The following CSMD1 variants were observed in gnomAD, a reference collection of about 807,000 sequenced individuals.
The protein encoded by CSMD1 is CUB and sushi domain-containing protein 1.
In CSMD1, 213 loss-of-function variants were observed where a neutral mutation model predicts 417.5. The ratio of observed to expected loss-of-function variants is 0.51; its 90% CI spans 0.46 to 0.57. The LOEUF (loss-of-function observed/expected upper bound fraction) is 0.57. CSMD1 is among the 20% of genes least tolerant of loss of function. The pLI is 0.00. For missense variants in CSMD1, 6,923 were observed against 4,529.7 expected, an observed-to-expected ratio of 1.53 and a Z score of -15.17; for synonymous variants, 2,862 against 1,736.8, an observed-to-expected ratio of 1.65 and a Z score of -16.11.
chr8:4,191,914 G>C (rs554865673), intron 3 of CSMD1, among the ~76,000 whole-genome samples: 2 of 152,290 alleles, frequency 1.3e-5, no homozygotes, highest in South Asian at 2.1e-4. Flanking sequence ...AAGAAAGTGA[G>C]CATTAGCACA....
intron 7 of CSMD1, among the ~76,000 whole-genome samples, chr8:3,628,723 G>A (rs1049820652): frequency 1.3e-5 from 2 of 152,056 alleles, no homozygotes; most frequent in Non-Finnish European, 2.9e-5. Context: ...TGCAGATCAC[G>A]TCACAGCTCA....
At chr8:3,838,030 A>G (rs1349708892) in intron 5 of CSMD1, among the ~76,000 whole-genome samples, 1 of 152,120 alleles carries the variant, frequency 6.6e-6, no homozygotes, top group Non-Finnish European at 1.5e-5. Flanking sequence ...TCATAAATAA[A>G]TATGTATGTA....
chr8:4,563,332 T>A (rs929743332), intron 2 of CSMD1, among the ~76,000 whole-genome samples: 1 of 152,124 alleles, frequency 6.6e-6, no homozygotes, highest in African/African-American at 2.4e-5. Flanking sequence ...ACCCAGGAGA[T>A]AGAGCTTTCA....
At chr8:3,489,788 T>G (rs1240757749) in intron 11 of CSMD1, among the ~76,000 whole-genome samples, 1 of 152,202 alleles carries the variant, frequency 6.6e-6, no homozygotes, top group Non-Finnish European at 1.5e-5. Context: ...TATTTCATTT[T>G]CCAAATTTCT....
intron 1 of CSMD1, among the ~76,000 whole-genome samples, chr8:4,854,129 G>C (rs1204653286): frequency 6.6e-6 from 1 of 152,164 alleles, no homozygotes; most frequent in Non-Finnish European, 1.5e-5. Context: ...ATGCAGAAGT[G>C]AGTTAAGATT....
intron 3 of CSMD1, among the ~76,000 whole-genome samples, chr8:4,076,141 G>C (rs1230267482): frequency 6.6e-6 from 1 of 152,126 alleles, no homozygotes; most frequent in Non-Finnish European, 1.5e-5. Flanking sequence ...GGAGGTAACT[G>C]AATCATGCGT....
At chr8:3,799,411 G>C (rs1345137495) in intron 5 of CSMD1, among the ~76,000 whole-genome samples, 1 of 101,802 alleles carries the variant, frequency 9.8e-6, no homozygotes, top group Non-Finnish European at 1.8e-5. Context: ...CCCACCCCAC[G>C]ACAGGCCTTA....
chr8:3,136,219 G>A (rs1435741155), intron 41 of CSMD1, among the ~76,000 whole-genome samples: 1 of 150,832 alleles, frequency 6.6e-6, no homozygotes, highest in Non-Finnish European at 1.5e-5. Flanking sequence ...ACGTGTCTAT[G>A]TGTTGCAGAG....
chr8:4,915,229 A>T (rs1805970923), intron 1 of CSMD1, among the ~76,000 whole-genome samples: 1 of 152,162 alleles, frequency 6.6e-6, no homozygotes. Flanking sequence ...ACATATATAT[A>T]AAATATGTAT....
chr8:3,961,250 A>G (rs1812300769), intron 5 of CSMD1, among the ~76,000 whole-genome samples: 1 of 152,186 alleles, frequency 6.6e-6, no homozygotes, highest in Non-Finnish European at 1.5e-5. Flanking sequence ...TGAAGAAAAA[A>G]GGATTCTGAG....
chr8:4,231,490 G>A (rs541228662), intron 3 of CSMD1, among the ~76,000 whole-genome samples: 16 of 150,234 alleles, frequency 1.1e-4, no homozygotes, highest in South Asian at 4.3e-4. Flanking sequence ...GCTCTCTCAC[G>A]CCCTTCAATT....
At chr8:4,270,315 T>A (rs9692619) in intron 3 of CSMD1, among the ~76,000 whole-genome samples, 1 of 152,270 alleles carries the variant, frequency 6.6e-6, no homozygotes, top group African/African-American at 2.4e-5. Context: ...ATACTGGTTT[T>A]ATGCTTTATT....
rs1816367465 is a variant in CSMD1 at position 3,459,523 on chromosome 8, C to A, written c.1561+9189G>T. On this transcript the variant is annotated intron_variant, in intron 12 of 69. Coordinates refer to ENST00000635120, the MANE Select transcript of CSMD1 (RefSeq NM_033225.6). ...CGGCAGTCGGAGACACGGATGAGAGCAGAGAACATGATAAATGCAGGTACA... is the reference window on the plus strand; with the variant it reads ...CGGCAGTCGGAGACACGGATGAGAGAAGAGAACATGATAAATGCAGGTACA... Among the ~76,000 whole-genome samples, 3 of 152,188 alleles carry A rather than the reference C, an allele frequency of 2.0e-5. No individual in the cohort carries two copies. The South Asian group carries it at 6.2e-4, about 32-fold the overall frequency.
intron 33 of CSMD1, among the ~76,000 whole-genome samples, chr8:3,198,562 C>T (rs565216779): frequency 6.6e-6 from 1 of 152,302 alleles, no homozygotes; most frequent in African/African-American, 2.4e-5. Context: ...TGGCTACTTA[C>T]ACAGGATCAG....
intron 3 of CSMD1, among the ~76,000 whole-genome samples, chr8:4,399,485 C>T (rs577139874): frequency 3.3e-5 from 5 of 152,254 alleles, no homozygotes; most frequent in African/African-American, 7.2e-5. Flanking sequence ...CTCATGTTCA[C>T]GCTTAAGTTC....
chr8:4,721,916 C>T (rs940536702), intron 1 of CSMD1, among the ~76,000 whole-genome samples: 1 of 152,014 alleles, frequency 6.6e-6, no homozygotes, highest in Non-Finnish European at 1.5e-5. Context: ...AGAAATAAAC[C>T]AAACACGAAA....
intron 9 of CSMD1, among the ~76,000 whole-genome samples, chr8:3,579,117 G>A (rs1416458184): frequency 1.3e-5 from 2 of 152,114 alleles, no homozygotes; most frequent in Non-Finnish European, 2.9e-5. Context: ...TTCCAGACCT[G>A]TAAACTCAAA....
rs562905863 is a variant in CSMD1 at position 4,527,100 on chromosome 8, G to C, written c.303-107035C>G. On this transcript the variant is annotated intron_variant, in intron 2 of 69. Transcript: ENST00000635120. ...CATAATTTTTTTCAGAAGCTTCGGA[G>C]GATTCTAACTTGCTTTTACTTAAGA... 2.4e-3 allele frequency among the ~76,000 whole-genome samples: 370 copies of C among 152,168 alleles called. 1 individual carries two copies. The highest frequency in any genetic ancestry group is 8.5e-3 in the African/African-American group (354 of 41,526).
Position 4,513,949 on chromosome 8 carries a change from G to T in CSMD1, c.303-93884C>A, listed in dbSNP as rs146814388. Among the ~76,000 whole-genome samples, 281 of 152,262 alleles carry T rather than the reference G, an allele frequency of 1.8e-3. 1 individual carries two copies. Among genetic ancestry groups the T allele is most frequent in the African/African-American group, 6.5e-3 (270 of 41,556 alleles). On this transcript the variant is annotated intron_variant, in intron 2 of 69. Coordinates refer to ENST00000635120, the MANE Select transcript of CSMD1 (RefSeq NM_033225.6). Reference sequence around the variant, plus strand: ...ATTTCTCAAACCTGAGTGATCCAAAGAATCACTTGGGACTCTTTTTAACCC... The same window carrying T: ...ATTTCTCAAACCTGAGTGATCCAAATAATCACTTGGGACTCTTTTTAACCC...
Sources: gnomAD v4.1 joint callset for allele counts (sites outside exome capture counted in the v4.1 genomes callset) on GRCh38, gnomAD v4.1.1 for gene constraint, MANE v1.5 for transcripts, NCBI Gene and HGNC (gene_info 2026-07-23, HGNC 2026-07-21) for gene names.